GLT1D1: variants seen among roughly 807,000 people sequenced by gnomAD.
GLT1D1 encodes the protein glycosyltransferase 1 domain-containing protein 1.
Under a neutral mutation model 28.7 loss-of-function variants are expected in GLT1D1, and 21 were observed. The observed-to-expected ratio is 0.73, with a 90% CI of 0.52 to 1.05. GLT1D1 has a LOEUF of 1.05. Among genes scored for constraint, GLT1D1 ranks in the 50% least tolerant of loss-of-function variants. GLT1D1 has a pLI of 0.00. For synonymous variants in GLT1D1, 147 were observed against 124.8 expected, an observed-to-expected ratio of 1.18 and a Z score of -1.19; for missense variants, 343 against 330.6, an observed-to-expected ratio of 1.04 and a Z score of -0.29.
At chr12:128,870,420 C>A (rs1487638717) in intron 1 of GLT1D1, among the ~76,000 whole-genome samples, 1 of 152,148 alleles carries the variant, frequency 6.6e-6, no homozygotes, top group Non-Finnish European at 1.5e-5. Flanking sequence ...TCTTTGTGGA[C>A]CTGCCAAGTG....
intron 4 of GLT1D1, among the ~76,000 whole-genome samples, chr12:128,941,159 C>T (rs1207625003): frequency 6.6e-6 from 1 of 152,238 alleles, no homozygotes; most frequent in Non-Finnish European, 1.5e-5. Flanking sequence ...TAAGTTGGCA[C>T]TTCCTTGTCA....
intron 4 of GLT1D1, among the ~76,000 whole-genome samples, chr12:128,923,642 C>T (rs1296706386): frequency 6.6e-6 from 1 of 152,044 alleles, no homozygotes; most frequent in African/African-American, 2.4e-5. Context: ...CTGCCTCAGC[C>T]TCCCCAGTAG....
At chr12:128,890,537 A>C (rs896189600) in intron 3 of GLT1D1, among the ~76,000 whole-genome samples, 1 of 152,148 alleles carries the variant, frequency 6.6e-6, no homozygotes, top group Non-Finnish European at 1.5e-5. Context: ...TAATCCCAGC[A>C]CTTTGGGAGG....
intron 4 of GLT1D1, among the ~76,000 whole-genome samples, chr12:128,919,178 T>C (rs1872403025): frequency 6.6e-6 from 1 of 152,174 alleles, no homozygotes; most frequent in Admixed American, 6.5e-5. Context: ...TCAACCTTAC[T>C]CTATCTTCCC....
intron 3 of GLT1D1, among the ~76,000 whole-genome samples, chr12:128,895,960 G>A (rs1050440553): frequency 6.6e-6 from 1 of 152,154 alleles, no homozygotes; most frequent in African/African-American, 2.4e-5. Flanking sequence ...ATTTCAAGGA[G>A]GAAGGAGAGA....
At chr12:128,923,122 G>C (rs1482853037) in intron 4 of GLT1D1, among the ~76,000 whole-genome samples, 3 of 152,076 alleles carry the variant, frequency 2.0e-5, no homozygotes, top group African/African-American at 7.2e-5. Flanking sequence ...TGAAGCTTTT[G>C]TGATTGCATT....
chr12:128,949,078 C>T (rs1236660181), intron 6 of GLT1D1, among the ~76,000 whole-genome samples: 2 of 152,144 alleles, frequency 1.3e-5, no homozygotes. Context: ...GTCCTCGGGG[C>T]AATACATTTT....
intron 7 of GLT1D1, among the ~76,000 whole-genome samples, chr12:128,978,331 C>T (rs1429128101): frequency 6.6e-6 from 1 of 151,948 alleles, no homozygotes; most frequent in Non-Finnish European, 1.5e-5. Context: ...TGATAAGGTG[C>T]CCGGTGTCAG....
intron 6 of GLT1D1, 59 bp downstream of exon 10, chr12:128,947,517 C>T (rs1876254800): frequency 3.8e-6 from 6 of 1,590,252 alleles, no homozygotes; most frequent in Admixed American, 1.7e-5. Context: ...CACTCCTTCT[C>T]CTATTTACGG....
chr12:128,913,827 G>T (rs145391914), intron 4 of GLT1D1, among the ~76,000 whole-genome samples: 1 of 152,204 alleles, frequency 6.6e-6, no homozygotes, highest in African/African-American at 2.4e-5. Context: ...TCCACCCTGC[G>T]CATTTTGAAG....
intron 1 of GLT1D1, among the ~76,000 whole-genome samples, chr12:128,860,835 C>T (rs1956345090): frequency 1.3e-5 from 2 of 152,194 alleles, no homozygotes. Context: ...CCACCCCCCT[C>T]TGATCCCCTG....
rs1242008858 is a variant in GLT1D1, at chr12:128,953,275, C to T, written c.541-4270C>T. On this transcript the variant is annotated intron_variant, in intron 6 of 7. Coordinates refer to ENST00000281703, the MANE Select transcript of GLT1D1 (RefSeq NM_144669.3). ...TATTTCCTAAATATTTCCTCCCATT[C>T]TGTAGATTGTCTTTTCACTTTCTTA... 2.0e-5 allele frequency among the ~76,000 whole-genome samples: 3 copies of T among 152,198 alleles called. No homozygotes were observed. In the South Asian group the frequency reaches 6.2e-4, roughly 32 times the overall value.
intron 4 of GLT1D1, among the ~76,000 whole-genome samples, chr12:128,908,422 C>G (rs958971853): frequency 7.2e-6 from 1 of 139,208 alleles, no homozygotes; most frequent in Non-Finnish European, 1.6e-5. Context: ...CTTTCTTTTT[C>G]TTTCCTTTCT....
In GLT1D1 at chr12:128,983,460, G is replaced by T. The variant is rs470401; in HGVS notation, c.*370G>T. ...AGCAGTCATGGTTCAGACTCCTCCC[G>T]CCTGCCTTCTGACCAACCTCTCCCC... On this transcript the variant is annotated 3_prime_UTR_variant, in exon 8 of 8. Coordinates refer to ENST00000281703, the MANE Select transcript of GLT1D1 (RefSeq NM_144669.3). The surrounding 1 kb of genome is among the most constrained non-coding windows in gnomAD (Gnocchi z 4.7). 0.23 allele frequency: 39,951 copies of T among 172,944 alleles called. 4,698 individuals are homozygous for T. The highest frequency in any genetic ancestry group is 0.34 in the East Asian group (2,177 of 6,484). The allele number at this position is 172,944 out of a possible 1,614,324, so 10.7% of individuals were successfully genotyped here.
intron 1 of GLT1D1, among the ~76,000 whole-genome samples, chr12:128,868,736 G>A (rs1227251747): frequency 1.3e-5 from 2 of 152,338 alleles, no homozygotes; most frequent in South Asian, 2.1e-4. Context: ...GAAGCATAAT[G>A]TGAGCCCCAT....
chr12:128,978,500 G>A (rs923636797), intron 7 of GLT1D1, among the ~76,000 whole-genome samples: 1 of 152,190 alleles, frequency 6.6e-6, no homozygotes, highest in Admixed American at 6.5e-5. Flanking sequence ...GACCTGGGTG[G>A]CCTCAGAGGC....
chr12:128,934,141 G>C (rs1015731739), intron 4 of GLT1D1, among the ~76,000 whole-genome samples: 1 of 150,358 alleles, frequency 6.7e-6, no homozygotes, highest in African/African-American at 2.4e-5. Context: ...TCTAGGTCAC[G>C]TTCAGTGCCT....
At chr12:128,874,102 C>CTTTGTTTCTTTCTT (rs1566091147) in intron 1 of GLT1D1, among the ~76,000 whole-genome samples, 1 of 40,116 alleles carries the variant, frequency 2.5e-5, no homozygotes, top group African/African-American at 1.2e-4. Context: ...CTTTCTTTCT[C>CTTTGTTTCTTTCTT]TCTCTCTCTC....
intron 4 of GLT1D1, among the ~76,000 whole-genome samples, chr12:128,906,328 G>A (rs542509174): frequency 1.3e-4 from 19 of 151,952 alleles, no homozygotes; most frequent in Non-Finnish European, 2.6e-4. Context: ...CGTTTAGAGC[G>A]CTTTGTCTAA....
Sources: allele counts gnomAD v4.1 joint callset (sites outside exome capture counted in the v4.1 genomes callset), GRCh38; gene constraint gnomAD v4.1.1; non-coding constraint Gnocchi (gnomAD v3.1); transcripts MANE v1.5; gene names NCBI Gene and HGNC (gene_info 2026-07-23, HGNC 2026-07-21).